Variants in DLC1 observed in about 807,000 individuals in gnomAD.
DLC1 encodes rho GTPase-activating protein 7.
DLC1 carries 54 observed loss-of-function variants against 140.3 expected under a neutral mutation model. That is an observed-to-expected ratio of 0.38 (90% confidence interval 0.31 to 0.48). The LOEUF is 0.48. Among genes scored for constraint, DLC1 ranks in the 20% least tolerant of loss-of-function variants. DLC1 has a pLI of 0.96. For missense variants in DLC1, 2,536 were observed against 1,907.0 expected (o/e 1.33, Z -6.14); for synonymous variants, 986 against 728.1 (o/e 1.35, Z -5.70).
At chr8:13,582,905 T>C (rs1453561674) in intron 1 of DLC1, among the ~76,000 whole-genome samples, 6 of 132,548 alleles carry the variant, frequency 4.5e-5, no homozygotes, top group Admixed American at 3.7e-4. Context: ...TATATATATA[T>C]ATATATATAT....
Position 13,094,912 on chromosome 8 carries a change from G to A in DLC1, c.3373C>T (p.Leu1125=), listed in dbSNP as rs55959920. The stretch of plus-strand genomic sequence containing the variant: ...ATGGCACCTTCATTCATCTGGCGCA[G>A]AGCCTGAATCCGGGACTTGACCCCC... The part of the protein sequence containing the change: ...KSGVKSRIQA[L]RQMNEGAIDC... The change falls in exon 12 of 18, where the codon CTG becomes TTG. Residue 1125 remains leucine (L), a synonymous_variant. Coordinates refer to ENST00000276297, the MANE Select transcript of DLC1 (RefSeq NM_182643.3). 1 of 1,614,250 alleles carries A rather than the reference G, an allele frequency of 6.2e-7. No individual in the cohort carries two copies. Among genetic ancestry groups the A allele is most frequent in the Non-Finnish European group, 8.5e-7 (1 of 1,180,046 alleles).
chr8:13,507,306 A>G (rs1409422266), intron 1 of DLC1, among the ~76,000 whole-genome samples: 2 of 152,192 alleles, frequency 1.3e-5, no homozygotes, highest in East Asian at 1.9e-4. Context: ...CAGGGAAGAT[A>G]TTATGTTTCT....
intron 2 of DLC1, among the ~76,000 whole-genome samples, chr8:13,453,458 A>ATATG (rs1453292528): frequency 1.5e-4 from 4 of 26,922 alleles, no homozygotes; most frequent in Non-Finnish European, 2.6e-4. Context: ...ACATATATAT[A>ATATG]TGTATATATA....
At chr8:13,396,877 A>T (rs1837066682) in intron 3 of DLC1, among the ~76,000 whole-genome samples, 1 of 152,116 alleles carries the variant, frequency 6.6e-6, no homozygotes, top group Non-Finnish European at 1.5e-5. Context: ...CCATAAGCAG[A>T]CCAAGCAGTG....
rs941755668 is a variant in DLC1 at position 13,133,286 on chromosome 8, A to T, written c.1349-17629T>A. 1.1e-5 allele frequency: 14 copies of T among 1,292,786 alleles called. No homozygotes were observed. In the African/African-American group the frequency reaches 2.2e-4, roughly 20 times the overall value. The allele number at this position is 1,292,786 out of a possible 1,614,324, so 80.1% of individuals were successfully genotyped here. A position where few individuals can be genotyped will look rare whatever the true frequency, so the allele number is the denominator to read the frequency against. On this transcript the variant is annotated intron_variant, in intron 5 of 17. Transcript: ENST00000276297. Reference sequence around the variant, plus strand: ...CGCCCTCGCTCGGGCAGTCGGAGCGAACTGTCTCCCGCGCGCTCCGCCAGC... The same window carrying T: ...CGCCCTCGCTCGGGCAGTCGGAGCGTACTGTCTCCCGCGCGCTCCGCCAGC...
At chr8:13,582,135 C>T (rs946056388) in intron 1 of DLC1, among the ~76,000 whole-genome samples, 2 of 152,078 alleles carry the variant, frequency 1.3e-5, no homozygotes, top group Non-Finnish European at 2.9e-5. Flanking sequence ...TGGAGGTCAT[C>T]AAAAAGCGCT....
intron 5 of DLC1, among the ~76,000 whole-genome samples, chr8:13,151,866 A>AT (rs869182941): frequency 5.3e-5 from 8 of 152,040 alleles, no homozygotes; most frequent in South Asian, 2.1e-4. Context: ...GGTAAAAGTT[A>AT]TTTTTTTTAA....
At chr8:13,484,340 C>A (rs1215633450) in intron 2 of DLC1, among the ~76,000 whole-genome samples, 2 of 152,126 alleles carry the variant, frequency 1.3e-5, no homozygotes, top group Non-Finnish European at 2.9e-5. Flanking sequence ...GATTCATTCT[C>A]AATCTCTGTT....
At chr8:13,298,010 T>C (rs1402033452) in intron 5 of DLC1, among the ~76,000 whole-genome samples, 2 of 152,200 alleles carry the variant, frequency 1.3e-5, no homozygotes, top group African/African-American at 2.4e-5. Context: ...AATAAAATTA[T>C]GAAAATTCTG....
At chr8:13,361,794 G>A (rs760656753) in intron 4 of DLC1, among the ~76,000 whole-genome samples, 6 of 152,174 alleles carry the variant, frequency 3.9e-5, no homozygotes, top group Non-Finnish European at 5.9e-5. Flanking sequence ...AGGAAGAACT[G>A]AAAAGGGCTG....
intron 1 of DLC1, among the ~76,000 whole-genome samples, chr8:13,560,152 T>C (rs1392917086): frequency 6.6e-6 from 1 of 152,220 alleles, no homozygotes. Flanking sequence ...ATTTTGAATA[T>C]AGCTGAGTAA....
At chr8:13,240,567 A>G (rs1053303296) in intron 5 of DLC1, among the ~76,000 whole-genome samples, 3 of 152,092 alleles carry the variant, frequency 2.0e-5, no homozygotes, top group African/African-American at 7.2e-5. Context: ...CTGGGACTAC[A>G]GGCACATGCC....
chr8:13,384,845 C>T (rs1216840047), intron 4 of DLC1, among the ~76,000 whole-genome samples: 1 of 151,936 alleles, frequency 6.6e-6, no homozygotes, highest in Non-Finnish European at 1.5e-5. Context: ...AATGCCTTAG[C>T]GACAGGGAAG....
intron 5 of DLC1, among the ~76,000 whole-genome samples, chr8:13,278,887 T>A (rs1050302143): frequency 6.6e-6 from 1 of 152,214 alleles, no homozygotes; most frequent in Non-Finnish European, 1.5e-5. Context: ...TTATTATCAC[T>A]TTTTTAGAGA....
At position 13,492,556 on chromosome 8, in the gene DLC1, TC is replaced by T. The variant is rs1383972647; in HGVS notation, c.1023+6492del. ...CTCCACCTCTCTCACTACTCTCTCC[TC>T]TCTCAGTGCCAGCCTTATACGTCAT... On this transcript the variant is annotated intron_variant, in intron 2 of 17. Coordinates refer to ENST00000276297, the MANE Select transcript of DLC1 (RefSeq NM_182643.3). Among the ~76,000 whole-genome samples the T allele has an allele frequency of 1.7e-3, 9 of 5,422 alleles. No individual in the cohort carries two copies. The Non-Finnish European group carries it at 0.026, about 16-fold the overall frequency. 3.6% of individuals were successfully genotyped at this position (5,422 alleles called of 152,430 possible).
At chr8:13,314,445 C>T (rs1418133154) in intron 4 of DLC1, among the ~76,000 whole-genome samples, 9 of 151,644 alleles carry the variant, frequency 5.9e-5, no homozygotes, top group Admixed American at 5.9e-4. Context: ...AACAAAACAA[C>T]ATATATTGTC....
intron 1 of DLC1, among the ~76,000 whole-genome samples, chr8:13,599,146 C>T (rs1017425855): frequency 1.3e-5 from 2 of 151,360 alleles, no homozygotes; most frequent in Non-Finnish European, 3.0e-5. Context: ...TATGGGAAGA[C>T]ACAGAATAAA....
rs753264634 is a variant in DLC1, at chr8:13,102,861, G to A, written c.1503-8C>T. ...TTTAAAGTATTTAGACGCCTATAGAGCAAAGAAATAACGTTAGCAAAGATA... is the reference window on the plus strand; with the variant it reads ...TTTAAAGTATTTAGACGCCTATAGAACAAAGAAATAACGTTAGCAAAGATA... On this transcript the variant is annotated splice_polypyrimidine_tract_variant and splice_region_variant and intron_variant, in intron 7 of 17. Transcript: ENST00000276297. The A allele has an allele frequency of 3.1e-6, 5 of 1,612,988 alleles. No individual in the cohort carries two copies. In the South Asian group the frequency reaches 5.5e-5, roughly 18 times the overall value.
chr8:13,487,135 G>C (rs1243093901), intron 2 of DLC1, among the ~76,000 whole-genome samples: 3 of 152,098 alleles, frequency 2.0e-5, no homozygotes, highest in Admixed American at 6.6e-5. Context: ...AGTAGTGACC[G>C]CTTGGTTCTT....
Sources: allele counts gnomAD v4.1 joint callset (sites outside exome capture counted in the v4.1 genomes callset), GRCh38; gene constraint gnomAD v4.1.1; transcripts MANE v1.5; gene names NCBI Gene and HGNC (gene_info 2026-07-23, HGNC 2026-07-21).